The following RAB6B variants were observed in gnomAD, a reference collection of about 807,000 sequenced individuals.
RAB6B encodes the protein RAB6B, member RAS oncogene family.
In RAB6B, 7 loss-of-function variants were observed where a neutral mutation model predicts 31.2. That is an observed-to-expected ratio of 0.22 (90% confidence interval 0.13 to 0.42). The LOEUF (loss-of-function observed/expected upper bound fraction) is 0.42. RAB6B is among the 10% of genes least tolerant of loss of function. RAB6B has a pLI of 1.00. For missense variants in RAB6B, 149 were observed against 280.6 expected, an observed-to-expected ratio of 0.53 and a Z score of 3.35; for synonymous variants, 105 against 104.9, an observed-to-expected ratio of 1.00 and a Z score of -0.01.
intron 4 of RAB6B, among the ~76,000 whole-genome samples, chr3:133,841,069 C>T (rs765101067): frequency 5.3e-5 from 8 of 152,170 alleles, no homozygotes; most frequent in Non-Finnish European, 8.8e-5. Context: ...AAACCCCTGT[C>T]GGTTGCAGGA....
In RAB6B at chr3:133,824,371, GCTC is replaced by G. The variant is rs1469759481; in HGVS notation, c.*4414_*4416del. Reference sequence around the variant, plus strand: ...AACAGATGGAATTGCCACCCTCTGTGCTCCTCACAGCCAATCACTTTAAAGGGA... The same window carrying G: ...AACAGATGGAATTGCCACCCTCTGTGCTCACAGCCAATCACTTTAAAGGGA... On this transcript the variant is annotated 3_prime_UTR_variant, in exon 8 of 8. Coordinates refer to ENST00000285208, the MANE Select transcript of RAB6B (RefSeq NM_016577.4). 1 of 152,190 alleles carries G rather than the reference GCTC, an allele frequency of 6.6e-6. No individual in the cohort carries two copies. Among genetic ancestry groups the G allele is most frequent in the African/African-American group, 2.4e-5 (1 of 41,436 alleles). The allele number at this position is 152,190 out of a possible 1,614,324, so 9.4% of individuals were successfully genotyped here.
chr3:133,864,598 C>T lies in RAB6B; in HGVS notation c.115G>A (p.Asp39Asn), dbSNP rs2108003836. 2 of 1,614,128 alleles carry T rather than the reference C, an allele frequency of 1.2e-6. No homozygotes were observed. Among genetic ancestry groups the T allele is most frequent in the Non-Finnish European group, 1.7e-6 (2 of 1,180,000 alleles). ...LITRFMYDSFDNTYQATIGID... is the reference protein window; with the variant it reads ...LITRFMYDSFNNTYQATIGID... ...CAGGACCTCACCTGGTATGTGTTGT[C>T]GAAGCTGTCGTACATGAACCTCGTA... Residue 39 changes from aspartate (D) to asparagine (N), a missense_variant, in exon 2 of 8, where the codon GAC becomes AAC. Coordinates refer to ENST00000285208, the MANE Select transcript of RAB6B (RefSeq NM_016577.4).
Position 133,828,080 on chromosome 3 carries a change from G to A in RAB6B, c.*708C>T, listed in dbSNP as rs1935600299. The A allele has an allele frequency of 3.0e-6, 2 of 672,902 alleles. No homozygotes were observed. Among genetic ancestry groups the A allele is most frequent in the Admixed American group, 2.1e-5 (1 of 48,560 alleles). The allele number at this position is 672,902 out of a possible 1,614,324, so 41.7% of individuals were successfully genotyped here. A position where few individuals can be genotyped will look rare whatever the true frequency, so the allele number is the denominator to read the frequency against. On this transcript the variant is annotated 3_prime_UTR_variant, in exon 8 of 8. Coordinates refer to ENST00000285208, the MANE Select transcript of RAB6B (RefSeq NM_016577.4). Reference sequence around the variant, plus strand: ...CTCAACCCCCTTCAAGGCTTTTCAGGGAAAGAGAAGGAGAGGTGGGAGCAG... The same window carrying A: ...CTCAACCCCCTTCAAGGCTTTTCAGAGAAAGAGAAGGAGAGGTGGGAGCAG...
chr3:133,894,541 T>C (rs981415461), intron 1 of RAB6B: 1 of 152,218 alleles, frequency 6.6e-6, no homozygotes, highest in African/African-American at 2.4e-5. Context: ...AATCCACCGA[T>C]GCTCTCTGGA....
chr3:133,881,370 A>G (rs1559913079), intron 1 of RAB6B, among the ~76,000 whole-genome samples: 1 of 152,246 alleles, frequency 6.6e-6, no homozygotes, highest in Non-Finnish European at 1.5e-5. Context: ...TTCGGTGCAC[A>G]GCCAAGGGCT....
At chr3:133,852,078 T>C (rs918655584) in intron 2 of RAB6B, among the ~76,000 whole-genome samples, 20 of 152,332 alleles carry the variant, frequency 1.3e-4, no homozygotes, top group Non-Finnish European at 2.8e-4. Flanking sequence ...CAGGCGTGGT[T>C]TTGCGAGGCA....
At chr3:133,836,348 C>T (rs1354310796) in intron 6 of RAB6B, among the ~76,000 whole-genome samples, 1 of 152,176 alleles carries the variant, frequency 6.6e-6, no homozygotes, top group Non-Finnish European at 1.5e-5. Context: ...AAAACAGTCA[C>T]AGCCTCTACT....
At chr3:133,877,093 C>A (rs1252996153) in intron 1 of RAB6B, among the ~76,000 whole-genome samples, 1 of 152,286 alleles carries the variant, frequency 6.6e-6, no homozygotes, top group Non-Finnish European at 1.5e-5. Flanking sequence ...CAGATTACTG[C>A]CCTCAGAAAA....
chr3:133,864,226 T>C (rs72976372), intron 2 of RAB6B, among the ~76,000 whole-genome samples: 2 of 151,224 alleles, frequency 1.3e-5, no homozygotes, highest in Non-Finnish European at 2.9e-5. Flanking sequence ...CAACCATGCA[T>C]GAGGCGCAAG....
intron 2 of RAB6B, among the ~76,000 whole-genome samples, chr3:133,862,895 T>C (rs1324588840): frequency 6.6e-6 from 1 of 152,216 alleles, no homozygotes; most frequent in African/African-American, 2.4e-5. Context: ...AAGCATTATA[T>C]GTAACTTAAT....
intron 2 of RAB6B, among the ~76,000 whole-genome samples, chr3:133,849,966 G>C (rs1013697347): frequency 1.3e-5 from 2 of 152,124 alleles, no homozygotes; most frequent in Non-Finnish European, 2.9e-5. Flanking sequence ...AGTCTTACTG[G>C]TTGAGAAATT....
At chr3:133,864,462 C>G in intron 2 of RAB6B, 122 bp downstream of exon 2, 1 of 982,648 alleles carries the variant, frequency 1.0e-6, no homozygotes, top group Non-Finnish European at 1.6e-6. Context: ...TGGGAAGCTC[C>G]TCCATAGCAA....
At chr3:133,891,748 C>T (rs992376737) in intron 1 of RAB6B, among the ~76,000 whole-genome samples, 3 of 152,230 alleles carry the variant, frequency 2.0e-5, no homozygotes, top group African/African-American at 7.2e-5. Flanking sequence ...CCTGCATAGT[C>T]GCTTCATTGC....
intron 2 of RAB6B, among the ~76,000 whole-genome samples, chr3:133,845,582 C>CA (rs1220294995): frequency 6.6e-6 from 1 of 152,236 alleles, no homozygotes; most frequent in Non-Finnish European, 1.5e-5. Flanking sequence ...TGGATGAAGA[C>CA]ATCTGTCTTA....
Position 133,839,576 on chromosome 3 carries a change from C to T in RAB6B, c.331G>A (p.Val111Ile), listed in dbSNP as rs1222618592. 4.3e-6 allele frequency: 7 copies of T among 1,614,066 alleles called. No individual in the cohort carries two copies. Among genetic ancestry groups the T allele is most frequent in the African/African-American group, 1.3e-5 (1 of 74,932 alleles). ...FQQTSKWIDD[V>I]RTERGSDVII... ...ACATCACTGCCCCTCTCTGTCCTGACGTCGTCGATCCACTTAGAGGTCTGT... is the reference window on the plus strand; with the variant it reads ...ACATCACTGCCCCTCTCTGTCCTGATGTCGTCGATCCACTTAGAGGTCTGT... Residue 111 changes from valine (V) to isoleucine (I), a missense_variant, in exon 5 of 8, where the codon GTC becomes ATC. Val to Ile is a conservative substitution (Grantham distance 29). Coordinates refer to ENST00000285208, the MANE Select transcript of RAB6B (RefSeq NM_016577.4).
chr3:133,889,446 T>TATATA (rs1936606827), intron 1 of RAB6B, among the ~76,000 whole-genome samples: 1 of 98,894 alleles, frequency 1.0e-5, no homozygotes, highest in Non-Finnish European at 2.1e-5. Context: ...ATATATATAT[T>TATATA]TATTTTGGGA....
chr3:133,871,590 G>T (rs1936324305), intron 1 of RAB6B, among the ~76,000 whole-genome samples: 1 of 152,230 alleles, frequency 6.6e-6, no homozygotes, highest in South Asian at 2.1e-4. Flanking sequence ...TGAGTGGGCA[G>T]TAAGTCCCCA....
chr3:133,838,182 C>T lies in RAB6B; in HGVS notation c.479G>A (p.Gly160Asp). The T allele has an allele frequency of 6.2e-7, 1 of 1,614,154 alleles. No individual in the cohort carries two copies. The highest frequency in any genetic ancestry group is 8.5e-7 in the Non-Finnish European group (1 of 1,179,996). The change falls in exon 6 of 8, where the codon GGC becomes GAC. Residue 160 changes from glycine (G) to aspartate (D), a missense_variant. Around this residue, in one of 2 missense-constraint regions of RAB6B, gnomAD observed 74 missense variants for 100.5 expected, o/e 0.74. Transcript: ENST00000285208. ...VMFIETSAKT[G>D]YNVKQLFRRV... ...TGTCCTCACCTGCTTCACGTTGTAG[C>T]CAGTCTTCGCACTGGTCTCAATGAA... is the stretch of plus-strand genomic sequence containing the variant.
At chr3:133,883,383 C>T (rs1398896451) in intron 1 of RAB6B, among the ~76,000 whole-genome samples, 1 of 152,200 alleles carries the variant, frequency 6.6e-6, no homozygotes, top group Admixed American at 6.5e-5. Context: ...CGTCCTGTGC[C>T]CCCATACTCA....
Sources: gnomAD v4.1 joint callset for allele counts (sites outside exome capture counted in the v4.1 genomes callset) on GRCh38, gnomAD v4.1.1 for gene constraint, gnomAD v4.1.1 regional missense constraint, MANE v1.5 for transcripts, NCBI Gene and HGNC (gene_info 2026-07-23, HGNC 2026-07-21) for gene names.